Variants in GPI observed in about 807,000 individuals in gnomAD.
The protein encoded by GPI is D-hexose-6-phosphate anomerase.
A neutral mutation model predicts 75.8 loss-of-function variants in GPI; 56 were observed. That is an observed-to-expected ratio of 0.74 (90% confidence interval 0.60 to 0.92). The LOEUF (loss-of-function observed/expected upper bound fraction) is 0.92, where lower values mean the gene tolerates loss of function less well. GPI is among the 40% of genes least tolerant of loss of function. The pLI is 0.00. For synonymous variants in GPI, 288 were observed against 285.4 expected, an observed-to-expected ratio of 1.01 and a Z score of -0.09; for missense variants, 638 against 741.0, an observed-to-expected ratio of 0.86 and a Z score of 1.61.
In GPI at chr19:34,399,977, G is replaced by A. The variant is rs547475819; in HGVS notation, c.1618G>A (p.Ala540Thr). The A allele has an allele frequency of 3.3e-5, 53 of 1,613,664 alleles. No homozygotes were observed. Among genetic ancestry groups the A allele is most frequent in the African/African-American group, 5.3e-5 (4 of 74,892 alleles). Reference sequence around the variant, plus strand: ...CAGTGCTCAAGTGACCTCTCACGACGCTTCTACCAATGGGCTCATCAACTT... The same window carrying A: ...CAGTGCTCAAGTGACCTCTCACGACACTTCTACCAATGGGCTCATCAACTT... ...DGSAQVTSHDASTNGLINFIK... is the reference protein window; with the variant it reads ...DGSAQVTSHDTSTNGLINFIK... Residue 540 changes from alanine (A) to threonine (T), a missense_variant, in exon 18 of 18, where the codon GCT (alanine) becomes ACT (threonine). By Grantham distance (58) the Ala-to-Thr change is moderately conservative (BLOSUM62 0). Transcript: ENST00000356487.
chr19:34,399,043 C>T, intron 14 of GPI, 164 bp from the exon 15 acceptor site: 1 of 589,292 alleles, frequency 1.7e-6, no homozygotes, highest in Non-Finnish European at 3.0e-6. Context: ...ATCACTGTTC[C>T]CTGCCTTGTG....
intron 12 of GPI, among the ~76,000 whole-genome samples, chr19:34,394,775 G>A (rs1178184934): frequency 2.6e-5 from 4 of 151,608 alleles, no homozygotes; most frequent in Admixed American, 2.0e-4. Context: ...GTGCAGTGGC[G>A]CGATCTCGGC....
intron 9 of GPI, chr19:34,392,975 C>T (rs1312818702): frequency 2.0e-6 from 1 of 505,216 alleles, no homozygotes; most frequent in Non-Finnish European, 3.6e-6. Flanking sequence ...GGTCCTGGGT[C>T]TGCTGGTGTC....
rs531998242 is a variant in GPI, at chr19:34,373,031, C to T, written c.402+4329C>T. ...TCATAATCTGTCCACCTCAGCCTCC[C>T]AAAGTGCTGGGATTATAGGCGTGAG... On this transcript the variant is annotated intron_variant, in intron 4 of 17. Transcript: ENST00000356487. Among the ~76,000 whole-genome samples, 25 of 152,040 alleles carry T rather than the reference C, an allele frequency of 1.6e-4. No homozygotes were observed. The East Asian group carries it at 3.3e-3, about 20-fold the overall frequency.
rs915923943 is a variant in GPI at position 34,365,392 on chromosome 19, C to A, written c.122+4C>A. The stretch of plus-strand genomic sequence containing the variant: ...AGGACCGCTTCAACCACTTCAGGTG[C>A]GGGCGGGCCGGAGGCGGGGGCTGCC... On this transcript the variant is annotated splice_donor_region_variant and intron_variant, in intron 1 of 17. Coordinates refer to ENST00000356487, the MANE Select transcript of GPI (RefSeq NM_000175.5). 2 of 1,572,176 alleles carry A rather than the reference C, an allele frequency of 1.3e-6. No homozygotes were observed. Among genetic ancestry groups the A allele is most frequent in the Admixed American group, 1.8e-5 (1 of 56,414 alleles).
At position 34,393,805 on chromosome 19, in the gene GPI, G is replaced by T. The variant is rs1387314283; in HGVS notation, c.909+34G>T. 1 of 1,611,264 alleles carries T rather than the reference G, an allele frequency of 6.2e-7. No individual in the cohort carries two copies. Among genetic ancestry groups the T allele is most frequent in the Non-Finnish European group, 8.5e-7 (1 of 1,178,768 alleles). ...TGAGGCTGGTTCTCTGCCAAGTGCTGGCCAGAGGCGCGTGTGTTGGTCCTG... is the reference window on the plus strand; with the variant it reads ...TGAGGCTGGTTCTCTGCCAAGTGCTTGCCAGAGGCGCGTGTGTTGGTCCTG... On this transcript the variant is annotated intron_variant, in intron 11 of 17. Coordinates refer to ENST00000356487, the MANE Select transcript of GPI (RefSeq NM_000175.5). This position sits in a 1 kb window ranked among gnomAD's most constrained non-coding sequence, Gnocchi z 4.4.
At chr19:34,381,184 C>T (rs532627615) in intron 8 of GPI, 2 of 516,354 alleles carry the variant, frequency 3.9e-6, no homozygotes, top group African/African-American at 1.9e-5. Context: ...AGTGTGTGGG[C>T]CAGGTCCTCA....
At chr19:34,384,059 T>C (rs896190402) in intron 9 of GPI, among the ~76,000 whole-genome samples, 2 of 152,134 alleles carry the variant, frequency 1.3e-5, no homozygotes, top group African/African-American at 2.4e-5. Flanking sequence ...TAGGCAGAAC[T>C]GGACCAGTCT....
At chr19:34,366,540 A>G (rs933538748) in intron 2 of GPI, 105 bp downstream of exon 2, 3 of 839,286 alleles carry the variant, frequency 3.6e-6, no homozygotes, top group African/African-American at 3.3e-5. Context: ...TCTTCCTCTC[A>G]TTAGACCTCA....
chr19:34,388,374 C>A (rs1352038605), intron 9 of GPI, among the ~76,000 whole-genome samples: 1 of 152,126 alleles, frequency 6.6e-6, no homozygotes, highest in Non-Finnish European at 1.5e-5. Context: ...ACTCAGGAGG[C>A]TGAGGCAGGA....
intron 9 of GPI, among the ~76,000 whole-genome samples, chr19:34,382,621 C>T (rs2074671978): frequency 6.6e-6 from 1 of 152,140 alleles, no homozygotes; most frequent in Admixed American, 6.5e-5. Context: ...CACCTTCCAC[C>T]TCCTCCTTGG....
intron 9 of GPI, among the ~76,000 whole-genome samples, chr19:34,389,160 T>C (rs2145401201): frequency 6.6e-6 from 1 of 152,212 alleles, no homozygotes; most frequent in East Asian, 1.9e-4. Flanking sequence ...TCAAGCATGA[T>C]GTAGTCTGTA....
At chr19:34,396,684 G>C (rs748676026) in intron 14 of GPI, 27 bp downstream of exon 14, 20 of 1,594,778 alleles carry the variant, frequency 1.3e-5, no homozygotes, top group African/African-American at 5.4e-5. Flanking sequence ...GGCCCCATCT[G>C]GGGGGTCTGG....
At chr19:34,361,754 G>C (rs1004752997), upstream of GPI, among the ~76,000 whole-genome samples, 1 of 151,878 alleles carries the variant, frequency 6.6e-6, no homozygotes, top group Non-Finnish European at 1.5e-5. Context: ...GCCGAGGTGG[G>C]TGGATTACCT....
In GPI at chr19:34,393,783, G is replaced by A; in HGVS notation, c.909+12G>A. ...GGGCTCACTGGATGGTGAGTGCTGA[G>A]GCTGGTTCTCTGCCAAGTGCTGGCC... is the stretch of plus-strand genomic sequence containing the variant. On this transcript the variant is annotated intron_variant, in intron 11 of 17. Coordinates refer to ENST00000356487, the MANE Select transcript of GPI (RefSeq NM_000175.5). The surrounding 1 kb of genome is among the most constrained non-coding windows in gnomAD (Gnocchi z 4.4). The A allele has an allele frequency of 6.2e-7, 1 of 1,612,876 alleles. No homozygotes were observed. Among genetic ancestry groups the A allele is most frequent in the Non-Finnish European group, 8.5e-7 (1 of 1,179,928 alleles).
chr19:34,395,231 C>T (rs1207109349), intron 12 of GPI, among the ~76,000 whole-genome samples: 1 of 152,074 alleles, frequency 6.6e-6, no homozygotes, highest in Non-Finnish European at 1.5e-5. Flanking sequence ...TGACAGCCCT[C>T]AAAGGCTGTA....
chr19:34,366,713 T>G, intron 2 of GPI, 70 bp from the exon 3 acceptor site: 2 of 1,053,798 alleles, frequency 1.9e-6, no homozygotes, highest in Non-Finnish European at 3.0e-6. Context: ...CACCAAGCCT[T>G]GTGTTTGGGG....
intron 9 of GPI, among the ~76,000 whole-genome samples, chr19:34,384,071 G>C (rs748808926): frequency 6.6e-6 from 1 of 152,178 alleles, no homozygotes; most frequent in Non-Finnish European, 1.5e-5. Flanking sequence ...GACCAGTCTG[G>C]TAAGGACGTT....
In GPI at chr19:34,399,782, G is replaced by C. The variant is rs748351617; in HGVS notation, c.1538G>C (p.Trp513Ser). Residue 513 changes from tryptophan (W) to serine (S), a missense_variant, in exon 17 of 18, where the codon TGG (tryptophan) becomes TCG (serine). Physicochemically the swap from Trp to Ser is radical, Grantham distance 177. Transcript: ENST00000356487. ...TGGGACATCAACAGCTTTGACCAGT[G>C]GGGGTGAGTTGCTCACTTAGGGGAG... is the stretch of plus-strand genomic sequence containing the variant. Reference protein sequence around the residue: ...IIWDINSFDQWGVELGKQLAK... With the variant: ...IIWDINSFDQSGVELGKQLAK... 1.2e-6 allele frequency: 2 copies of C among 1,614,006 alleles called. No individual in the cohort carries two copies. The highest frequency in any genetic ancestry group is 1.7e-6 in the Non-Finnish European group (2 of 1,179,912).
Sources: gnomAD v4.1 joint callset for allele counts (sites outside exome capture counted in the v4.1 genomes callset) on GRCh38, gnomAD v4.1.1 for gene constraint, Gnocchi (gnomAD v3.1) non-coding constraint, MANE v1.5 for transcripts, NCBI Gene and HGNC (gene_info 2026-07-23, HGNC 2026-07-21) for gene names.